The following EMILIN2 variants were observed in gnomAD, a reference collection of about 807,000 sequenced individuals.
The protein encoded by EMILIN2 is EMILIN-2.
In EMILIN2, 71 loss-of-function variants were observed where a neutral mutation model predicts 87.1. That is an observed-to-expected ratio of 0.82 (90% CI 0.67 to 0.99). The LOEUF is 0.99. EMILIN2 is among the 50% of genes least tolerant of loss of function. The pLI is 0.00. For missense variants in EMILIN2, 1,407 were observed against 1,371.8 expected, an observed-to-expected ratio of 1.03 and a Z score of -0.40; for synonymous variants, 581 against 563.4, an observed-to-expected ratio of 1.03 and a Z score of -0.44.
Position 2,853,760 on chromosome 18 carries a change from C to A in EMILIN2, c.257+5829C>A, listed in dbSNP as rs144296596. Among the ~76,000 whole-genome samples the A allele has an allele frequency of 3.1e-4, 47 of 152,304 alleles. No individual in the cohort carries two copies. In the East Asian group the frequency reaches 4.2e-3, roughly 14 times the overall value. On this transcript the variant is annotated intron_variant, in intron 2 of 7. Transcript: ENST00000254528. ...TCTCAATCCACAGCCGGGCTGAGCA[C>A]CCTGAGGGTGCATGTGTGATGCCTA...
chr18:2,865,040 GTTC>G, intron 2 of EMILIN2, among the ~76,000 whole-genome samples: 1 of 152,148 alleles, frequency 6.6e-6, no homozygotes, highest in Non-Finnish European at 1.5e-5. Context: ...TCGTCACGTA[GTTC>G]TTGTGCTGTG....
At chr18:2,903,257 AGAG>A (rs2076896281) in intron 4 of EMILIN2, among the ~76,000 whole-genome samples, 1 of 152,150 alleles carries the variant, frequency 6.6e-6, no homozygotes, top group South Asian at 2.1e-4. Context: ...CGGTGTCCAG[AGAG>A]GAGGAAAGAA....
In EMILIN2 at chr18:2,885,100, A is replaced by G. The variant is rs757646264; in HGVS notation, c.394A>G (p.Thr132Ala). Residue 132 changes from threonine to alanine, a missense_variant, in exon 3 of 8, where the codon ACG (threonine) becomes GCG (alanine). Physicochemically the swap from Thr to Ala is moderately conservative, Grantham distance 58. Transcript: ENST00000254528. Reference sequence around the variant, plus strand: ...AGACCCCGTGAAGACCCTCCGCCCCACGCCGGCTCGGCCTCGAAACAGCTT... The same window carrying G: ...AGACCCCGTGAAGACCCTCCGCCCCGCGCCGGCTCGGCCTCGAAACAGCTT... ...PKDPVKTLRPTPARPRNSLKK... is the reference protein window; with the variant it reads ...PKDPVKTLRPAPARPRNSLKK... 2.9e-5 allele frequency: 47 copies of G among 1,611,672 alleles called. No homozygotes were observed. The highest frequency in any genetic ancestry group is 3.7e-5 in the Non-Finnish European group (44 of 1,179,186).
chr18:2,882,666 T>C (rs545670877), intron 2 of EMILIN2, among the ~76,000 whole-genome samples: 1 of 152,142 alleles, frequency 6.6e-6, no homozygotes, highest in Non-Finnish European at 1.5e-5. Flanking sequence ...GTAGATCACC[T>C]GAGGTCAGGA....
At chr18:2,860,648 T>G (rs553969747) in intron 2 of EMILIN2, among the ~76,000 whole-genome samples, 1 of 152,348 alleles carries the variant, frequency 6.6e-6, no homozygotes, top group South Asian at 2.1e-4. Flanking sequence ...TGTTGGACAT[T>G]TGGCTTGGCT....
chr18:2,865,699 C>A (rs1307968223), intron 2 of EMILIN2, among the ~76,000 whole-genome samples: 2 of 152,194 alleles, frequency 1.3e-5, no homozygotes, highest in African/African-American at 4.8e-5. Context: ...CTCAGATCTC[C>A]AGCTGTGTGC....
At chr18:2,876,925 G>A (rs1328063633) in intron 2 of EMILIN2, among the ~76,000 whole-genome samples, 1 of 152,188 alleles carries the variant, frequency 6.6e-6, no homozygotes, top group African/African-American at 2.4e-5. Flanking sequence ...AAAAGGCCAA[G>A]TGAAATATTT....
intron 4 of EMILIN2, among the ~76,000 whole-genome samples, chr18:2,900,869 T>A (rs565186662): frequency 3.0e-4 from 46 of 152,118 alleles, no homozygotes; most frequent in East Asian, 1.7e-3. Context: ...ATGCTTTTTT[T>A]AAAAAAAAGT....
Position 2,847,349 on chromosome 18 carries a change from C to T in EMILIN2, c.134+27C>T. 7.7e-7 allele frequency: 1 copy of T among 1,298,624 alleles called. No homozygotes were observed. The highest frequency in any genetic ancestry group is 2.2e-5 in the South Asian group (1 of 46,254). The allele number at this position is 1,298,624 out of a possible 1,614,324, so 80.4% of individuals were successfully genotyped here. ...TAAGTGCGCGCCCCTTGGCTGGCCC[C>T]AAACCGCCTACCCCTCCCCGGCCCC... On this transcript the variant is annotated intron_variant, in intron 1 of 7. Coordinates refer to ENST00000254528, the MANE Select transcript of EMILIN2 (RefSeq NM_032048.3). The surrounding 1 kb of genome is among the most constrained non-coding windows in gnomAD (Gnocchi z 4.5).
intron 2 of EMILIN2, among the ~76,000 whole-genome samples, chr18:2,881,097 T>G (rs958477240): frequency 3.9e-5 from 6 of 152,082 alleles, no homozygotes; most frequent in Admixed American, 6.6e-5. Flanking sequence ...AAAATCCCAG[T>G]AGGGATTTGG....
At chr18:2,856,723 C>T (rs1342543260) in intron 2 of EMILIN2, among the ~76,000 whole-genome samples, 1 of 152,200 alleles carries the variant, frequency 6.6e-6, no homozygotes, top group Non-Finnish European at 1.5e-5. Flanking sequence ...TTCTTTACTG[C>T]TCAGCGTTAA....
At chr18:2,895,312 G>GGT (rs2076858342) in intron 4 of EMILIN2, among the ~76,000 whole-genome samples, 1 of 152,132 alleles carries the variant, frequency 6.6e-6, no homozygotes, top group Non-Finnish European at 1.5e-5. Context: ...TGAGGAATAA[G>GGT]GTGAGATGAG....
In EMILIN2 at chr18:2,877,426, TTGAC is replaced by T. The variant is rs201955058; in HGVS notation, c.258-7533_258-7530del. The stretch of plus-strand genomic sequence containing the variant: ...AAGACAAAAGCTTATTTTTTATTCA[TTGAC>T]TGACAGTTTTTTTTTTTTTTTTTTA... On this transcript the variant is annotated intron_variant, in intron 2 of 7. Coordinates refer to ENST00000254528, the MANE Select transcript of EMILIN2 (RefSeq NM_032048.3). Among the ~76,000 whole-genome samples the T allele has an allele frequency of 7.3e-3, 1,025 of 139,574 alleles. 9 individuals carry two copies. Among genetic ancestry groups the T allele is most frequent in the African/African-American group, 0.026 (984 of 37,436 alleles). The allele number at this position is 139,574 out of a possible 152,430, so 91.6% of individuals were successfully genotyped here. A position where few individuals can be genotyped will look rare whatever the true frequency, so the allele number is the denominator to read the frequency against.
chr18:2,847,973 C>T lies in EMILIN2; in HGVS notation c.257+42C>T, dbSNP rs1322873420. The T allele has an allele frequency of 1.4e-6, 1 of 694,312 alleles. No individual in the cohort carries two copies. The highest frequency in any genetic ancestry group is 2.2e-6 in the Non-Finnish European group (1 of 461,430). 43.0% of individuals were successfully genotyped at this position (694,312 alleles called of 1,614,324 possible). On this transcript the variant is annotated intron_variant, in intron 2 of 7. Coordinates refer to ENST00000254528, the MANE Select transcript of EMILIN2 (RefSeq NM_032048.3). This position sits in a 1 kb window ranked among gnomAD's most constrained non-coding sequence, Gnocchi z 4.5. ...GGGAGCGGGCGGGGCGCGCCCGGGC[C>T]GGGGCGGTGGGGGTGGGGTGGGGTT... is the stretch of plus-strand genomic sequence containing the variant.
intron 2 of EMILIN2, among the ~76,000 whole-genome samples, chr18:2,854,967 C>G (rs1444307314): frequency 6.6e-6 from 1 of 152,166 alleles, no homozygotes; most frequent in Non-Finnish European, 1.5e-5. Context: ...TTTCCTTCAG[C>G]TTTTAAACAA....
chr18:2,868,649 A>T (rs1032927031), intron 2 of EMILIN2, among the ~76,000 whole-genome samples: 5 of 152,232 alleles, frequency 3.3e-5, no homozygotes, highest in Non-Finnish European at 7.3e-5. Flanking sequence ...TACGAAAACC[A>T]GTCAGGCGTG....
In EMILIN2 at chr18:2,890,514, T is replaced by C; in HGVS notation, c.434-47T>C. 6.6e-7 allele frequency: 1 copy of C among 1,516,148 alleles called. No individual in the cohort carries two copies. The highest frequency in any genetic ancestry group is 8.8e-7 in the Non-Finnish European group (1 of 1,132,430). The allele number at this position is 1,516,148 out of a possible 1,614,324, so 93.9% of individuals were successfully genotyped here. On this transcript the variant is annotated intron_variant, in intron 3 of 7. Coordinates refer to ENST00000254528, the MANE Select transcript of EMILIN2 (RefSeq NM_032048.3). This position sits in a 1 kb window ranked among gnomAD's most constrained non-coding sequence, Gnocchi z 4.7. ...GTTTATTGTCTTGGCAGAATCTGGC[T>C]AAAGGTAGAAAATGTTCATTCATGT...
Position 2,891,276 on chromosome 18 carries a change from C to T in EMILIN2, c.1149C>T (p.Leu383=). Residue 383 remains leucine, a synonymous_variant, in exon 4 of 8, where the codon CTC becomes CTT. Coordinates refer to ENST00000254528, the MANE Select transcript of EMILIN2 (RefSeq NM_032048.3). This position sits in a 1 kb window ranked among gnomAD's most constrained non-coding sequence, Gnocchi z 4.6. ...GCCTGAGAAAAGAAATAAATAACCT[C>T]CGAGCCCGGCTACAGGAGCCTTCAG... is the stretch of plus-strand genomic sequence containing the variant. The part of the protein sequence containing the change: ...ETSLRKEINN[L]RARLQEPSAQ... 2 of 1,614,164 alleles carry T rather than the reference C, an allele frequency of 1.2e-6. No homozygotes were observed. Among genetic ancestry groups the T allele is most frequent in the Admixed American group, 1.7e-5 (1 of 60,028 alleles).
At chr18:2,892,546 A>T (rs950637174) in intron 4 of EMILIN2, 60 bp downstream of exon 4, 127 of 1,503,634 alleles carry the variant, frequency 8.4e-5, no homozygotes, top group Non-Finnish European at 1.1e-4. Context: ...ACAACATTTT[A>T]AAAATAATTT....
Sources: gnomAD v4.1 joint callset for allele counts (sites outside exome capture counted in the v4.1 genomes callset) on GRCh38, gnomAD v4.1.1 for gene constraint, Gnocchi (gnomAD v3.1) non-coding constraint, MANE v1.5 for transcripts, NCBI Gene and HGNC (gene_info 2026-07-23, HGNC 2026-07-21) for gene names.